SMG6: variants seen among roughly 807,000 people sequenced by gnomAD.
The protein encoded by SMG6 is SMG6 nonsense mediated mRNA decay factor.
SMG6 carries 66 observed loss-of-function variants against 142.2 expected under a neutral mutation model. The ratio of observed to expected loss-of-function variants is 0.46; its 90% CI spans 0.38 to 0.57. The LOEUF (loss-of-function observed/expected upper bound fraction) is 0.57. Ranked by LOEUF, SMG6 falls within the 20% of genes least tolerant of loss-of-function variation. The pLI is 0.00. For synonymous variants in SMG6, 779 were observed against 702.4 expected (o/e 1.11, Z -1.72); for missense variants, 1,793 against 1,832.0 (o/e 0.98, Z 0.39).
At chr17:2,218,278 G>A (rs142934667) in intron 10 of SMG6, among the ~76,000 whole-genome samples, 2,200 of 152,168 alleles carry the variant, frequency 0.014, 58 homozygotes, top group African/African-American at 0.049. Flanking sequence ...GGCCAGGCGC[G>A]GTGGCTCACA....
chr17:2,299,514 G>A lies in SMG6; in HGVS notation c.1239C>T (p.Ala413=), dbSNP rs1005412149. The A allele has an allele frequency of 6.2e-7, 1 of 1,613,998 alleles. No individual in the cohort carries two copies. Among genetic ancestry groups the A allele is most frequent in the Non-Finnish European group, 8.5e-7 (1 of 1,180,030 alleles). ...CTGAATTGACAGATAGGGTGGTATG[G>A]GCAGGCAAAATCAGAATGCCACGAC... The part of the protein sequence containing the change: ...GRGRGILILP[A]HTTLSVNSAG... Residue 413 remains alanine, a synonymous_variant, in exon 2 of 19, where the codon GCC becomes GCT. Coordinates refer to ENST00000263073, the MANE Select transcript of SMG6 (RefSeq NM_017575.5). The surrounding 1 kb of genome is among the most constrained non-coding windows in gnomAD (Gnocchi z 4.3).
At chr17:2,303,357 G>C (rs1208219538) in intron 1 of SMG6, 1 of 1,205,668 alleles carries the variant, frequency 8.3e-7, no homozygotes, top group African/African-American at 1.6e-5. Flanking sequence ...TGAGAGGGCT[G>C]GGGCAAAAGG....
chr17:2,292,206 C>T (rs1022452756), intron 6 of SMG6, among the ~76,000 whole-genome samples: 7 of 152,150 alleles, frequency 4.6e-5, no homozygotes, highest in African/African-American at 1.4e-4. Context: ...CCTTATTTTT[C>T]GTCTAGAATG....
intron 13 of SMG6, among the ~76,000 whole-genome samples, chr17:2,093,231 T>C (rs1567592084): frequency 1.3e-5 from 2 of 148,728 alleles, no homozygotes; most frequent in African/African-American, 2.5e-5. Context: ...CTGGGCAACA[T>C]AGTGAGACTG....
intron 13 of SMG6, chr17:2,122,340 A>G (rs1186900692): frequency 2.6e-5 from 4 of 152,190 alleles, no homozygotes; most frequent in Non-Finnish European, 2.9e-5. Flanking sequence ...TAAAAAGACA[A>G]TATCTGGAAG....
chr17:2,273,754 G>T (rs907741198), intron 8 of SMG6, among the ~76,000 whole-genome samples: 1 of 151,990 alleles, frequency 6.6e-6, no homozygotes, highest in Admixed American at 6.6e-5. Context: ...CAGAGATCGC[G>T]CCACTGCACT....
At chr17:2,127,619 A>G (rs1326247703) in intron 13 of SMG6, 1 of 578,498 alleles carries the variant, frequency 1.7e-6, no homozygotes, top group Non-Finnish European at 3.4e-6. Flanking sequence ...TCTGTTCTCA[A>G]TTCCAGCAGC....
At chr17:2,148,387 A>G (rs1047912660) in intron 13 of SMG6, among the ~76,000 whole-genome samples, 1 of 152,210 alleles carries the variant, frequency 6.6e-6, no homozygotes, top group Admixed American at 6.5e-5. Flanking sequence ...TGGACACACA[A>G]ATTGTGGTAG....
At chr17:2,302,859 G>A (rs974506387) in intron 1 of SMG6, among the ~76,000 whole-genome samples, 2 of 152,126 alleles carry the variant, frequency 1.3e-5, no homozygotes, top group African/African-American at 4.8e-5. Flanking sequence ...TAGAGCAGCG[G>A]GAGAAAATAG....
intron 10 of SMG6, among the ~76,000 whole-genome samples, chr17:2,193,923 T>C (rs554205624): frequency 6.6e-6 from 1 of 152,174 alleles, no homozygotes; most frequent in East Asian, 1.9e-4. Context: ...CTCTGCCTCC[T>C]GGGTTCAAGC....
At chr17:2,123,157 C>T (rs543049936) in intron 13 of SMG6, among the ~76,000 whole-genome samples, 26 of 152,356 alleles carry the variant, frequency 1.7e-4, no homozygotes, top group African/African-American at 6.0e-4. Context: ...CCTCAGGAAC[C>T]GCGCTGGCTA....
At chr17:2,165,261 T>C (rs1185867189) in intron 13 of SMG6, among the ~76,000 whole-genome samples, 2 of 149,812 alleles carry the variant, frequency 1.3e-5, no homozygotes, top group African/African-American at 2.5e-5. Flanking sequence ...GACACTGCAG[T>C]ATCATTTATA....
intron 8 of SMG6, among the ~76,000 whole-genome samples, chr17:2,251,163 G>A (rs557904556): frequency 1.3e-5 from 2 of 151,472 alleles, no homozygotes; most frequent in Non-Finnish European, 2.9e-5. Flanking sequence ...GGGGGGCCTG[G>A]TACAAAAAAT....
chr17:2,203,267 C>G (rs1326123458), intron 10 of SMG6, among the ~76,000 whole-genome samples: 1 of 152,208 alleles, frequency 6.6e-6, no homozygotes, highest in African/African-American at 2.4e-5. Flanking sequence ...AGGTTACTGT[C>G]TGAGCCCAGA....
chr17:2,117,835 T>G (rs2069554557), intron 13 of SMG6: 1 of 152,198 alleles, frequency 6.6e-6, no homozygotes, highest in Non-Finnish European at 1.5e-5. Flanking sequence ...TGAAAAAAAG[T>G]ACCAAAGCAA....
At position 2,128,658 on chromosome 17, in the gene SMG6, T is replaced by C. The variant is rs565833137; in HGVS notation, c.3358-42757A>G. Among the ~76,000 whole-genome samples, 4 of 152,006 alleles carry C rather than the reference T, an allele frequency of 2.6e-5. No individual in the cohort carries two copies. In the East Asian group the frequency reaches 7.7e-4, roughly 29 times the overall value. On this transcript the variant is annotated intron_variant, in intron 13 of 18. Coordinates refer to ENST00000263073, the MANE Select transcript of SMG6 (RefSeq NM_017575.5). ...GACCAACGTGGTGAAACCCCGTCTC[T>C]ACTAAAAATACAAAAATTAGCTGGG...
intron 13 of SMG6, among the ~76,000 whole-genome samples, chr17:2,148,436 G>T (rs12452074): frequency 0.38 from 58,174 of 152,202 alleles, 11,815 homozygotes; most frequent in Admixed American, 0.45. Flanking sequence ...GCATTAAAAA[G>T]AAATGAACTT....
chr17:2,153,053 G>A (rs191478961), intron 13 of SMG6, among the ~76,000 whole-genome samples: 19 of 152,324 alleles, frequency 1.2e-4, no homozygotes, highest in Admixed American at 3.9e-4. Flanking sequence ...AATGTATTAC[G>A]CTATGCGAAA....
chr17:2,078,744 CA>C (rs2068329115), intron 15 of SMG6, among the ~76,000 whole-genome samples: 1 of 151,888 alleles, frequency 6.6e-6, no homozygotes, highest in Non-Finnish European at 1.5e-5. Context: ...TGGAGGAGAC[CA>C]AAAAAAGAAT....
Sources: allele counts gnomAD v4.1 joint callset (sites outside exome capture counted in the v4.1 genomes callset), GRCh38; gene constraint gnomAD v4.1.1; non-coding constraint Gnocchi (gnomAD v3.1); transcripts MANE v1.5; gene names NCBI Gene and HGNC (gene_info 2026-07-23, HGNC 2026-07-21).